UBXN8: variants seen among roughly 807,000 people sequenced by gnomAD.
UBXN8 encodes the protein UBX domain protein 8, also known as UBX domain-containing protein 8.
UBXN8 carries 27 observed loss-of-function variants against 32.1 expected under a neutral mutation model. That is an observed-to-expected ratio of 0.84 (90% CI 0.62 to 1.16). The LOEUF is 1.16. Among genes scored for constraint, UBXN8 ranks in the 50% most tolerant of loss-of-function variants. The pLI, the probability that UBXN8 is intolerant of heterozygous loss-of-function variation, is 0.00. For missense variants in UBXN8, 306 were observed against 311.4 expected, an observed-to-expected ratio of 0.98 and a Z score of 0.13; for synonymous variants, 109 against 111.8, an observed-to-expected ratio of 0.98 and a Z score of 0.16.
intron 2 of UBXN8, among the ~76,000 whole-genome samples, chr8:30,752,080 C>G (rs1316932747): frequency 6.6e-6 from 1 of 151,892 alleles, no homozygotes; most frequent in Non-Finnish European, 1.5e-5. Flanking sequence ...TTTGTAGAGA[C>G]AGGGTTTCAC....
At chr8:30,753,843 C>T (rs923584855) in intron 3 of UBXN8, among the ~76,000 whole-genome samples, 2 of 143,576 alleles carry the variant, frequency 1.4e-5, no homozygotes, top group African/African-American at 5.2e-5. Flanking sequence ...TACAACCATA[C>T]CTCACTGTCG....
At chr8:30,754,638 C>A (rs750033372) in intron 3 of UBXN8, 27 bp from the exon 4 acceptor site, 6 of 1,531,316 alleles carry the variant, frequency 3.9e-6, no homozygotes, top group Non-Finnish European at 5.2e-6. Flanking sequence ...TGGATAGTAA[C>A]AACACCTAAT....
At chr8:30,743,355 C>G (rs988672129), upstream of UBXN8, among the ~76,000 whole-genome samples, 2 of 150,998 alleles carry the variant, frequency 1.3e-5, no homozygotes, top group Non-Finnish European at 2.9e-5. Context: ...GGGGTTTCAC[C>G]ATATTTGCCA....
chr8:30,739,416 C>T (rs187978458), upstream of UBXN8, among the ~76,000 whole-genome samples: 3 of 151,954 alleles, frequency 2.0e-5, no homozygotes, highest in Non-Finnish European at 2.9e-5. Flanking sequence ...TGGTGGCGGG[C>T]GCCTGTAGTC....
At chr8:30,731,408 C>A (rs531135697), upstream of UBXN8, among the ~76,000 whole-genome samples, 3 of 152,158 alleles carry the variant, frequency 2.0e-5, no homozygotes, top group Non-Finnish European at 4.4e-5. Context: ...CTGCTTGCCC[C>A]GGACTTGTAC....
chr8:30,765,144 T>C (rs2956015), intron 7 of UBXN8, among the ~76,000 whole-genome samples: 149,234 of 152,262 alleles, frequency 0.98, 73,207 homozygotes, highest in Middle Eastern at 1. Flanking sequence ...AACTCCTGGG[T>C]TCAAATGATT....
chr8:30,766,596 T>C lies in UBXN8; in HGVS notation c.*202T>C. On this transcript the variant is annotated 3_prime_UTR_variant, in exon 8 of 8. Coordinates refer to ENST00000265616, the MANE Select transcript of UBXN8 (RefSeq NM_005671.4). The stretch of plus-strand genomic sequence containing the variant: ...CTGTGGACTGTGCCATTTTACAGTG[T>C]ACCAAATGAGAATGAGGTTGAAATG... The C allele has an allele frequency of 2.7e-6, 1 of 376,836 alleles. No individual in the cohort carries two copies. The highest frequency in any genetic ancestry group is 7.4e-5 in the South Asian group (1 of 13,578). 23.3% of individuals were successfully genotyped at this position (376,836 alleles called of 1,614,324 possible). A position where few individuals can be genotyped will look rare whatever the true frequency, so the allele number is the denominator to read the frequency against.
At position 30,753,310 on chromosome 8, in the gene UBXN8, G is replaced by A. The variant is rs564196808; in HGVS notation, c.282+205G>A. On this transcript the variant is annotated intron_variant, in intron 3 of 7. Coordinates refer to ENST00000265616, the MANE Select transcript of UBXN8 (RefSeq NM_005671.4). Reference sequence around the variant, plus strand: ...CTCGCTGTGTCACCTAGGCTGGAATGCAGTGGCGAAATCTCGGCTCACTGC... The same window carrying A: ...CTCGCTGTGTCACCTAGGCTGGAATACAGTGGCGAAATCTCGGCTCACTGC... Among the ~76,000 whole-genome samples the A allele has an allele frequency of 1.0e-3, 152 of 152,282 alleles. 1 individual carries two copies. The highest frequency in any genetic ancestry group is 3.3e-3 in the African/African-American group (138 of 41,572).
At chr8:30,744,666 G>A (rs1375433920) in intron 1 of UBXN8, among the ~76,000 whole-genome samples, 1 of 152,212 alleles carries the variant, frequency 6.6e-6, no homozygotes, top group Non-Finnish European at 1.5e-5. Context: ...CGAACTCCTG[G>A]GTTCAAGAGA....
rs555034860 is a variant in UBXN8, at chr8:30,753,831, G to T, written c.282+726G>T. On this transcript the variant is annotated intron_variant, in intron 3 of 7. Transcript: ENST00000265616. Reference sequence around the variant, plus strand: ...TCTGTTGCCCAGGCTGGGGTGGAGTGGTACAACCATACCTCACTGTCGCCT... The same window carrying T: ...TCTGTTGCCCAGGCTGGGGTGGAGTTGTACAACCATACCTCACTGTCGCCT... Among the ~76,000 whole-genome samples, 368 of 145,468 alleles carry T rather than the reference G, an allele frequency of 2.5e-3. 3 individuals carry two copies. Among genetic ancestry groups the T allele is most frequent in the Non-Finnish European group, 4.5e-3 (303 of 67,094 alleles).
rs1195055570 is a variant in UBXN8, at chr8:30,766,227, G to T, written c.646G>T (p.Val216Phe). The change falls in exon 8 of 8, where the codon GTC (valine) becomes TTC (phenylalanine). Residue 216 changes from valine (V) to phenylalanine (F), a missense_variant and splice_region_variant. Coordinates refer to ENST00000265616, the MANE Select transcript of UBXN8 (RefSeq NM_005671.4). ...CTAAGCCAAGCTTTTCATCTTCTAG[G>T]TCTTATTTGACTGGATGACGAGAAT... ...RRFLKSYSSQ[V>F]LFDWMTRIGY... 6.2e-7 allele frequency: 1 copy of T among 1,610,378 alleles called. No individual in the cohort carries two copies. The highest frequency in any genetic ancestry group is 8.5e-7 in the Non-Finnish European group (1 of 1,177,612).
intron 1 of UBXN8, among the ~76,000 whole-genome samples, chr8:30,735,922 A>G (rs1397792785): frequency 6.6e-6 from 1 of 152,232 alleles, no homozygotes; most frequent in Non-Finnish European, 1.5e-5. Context: ...AGGTCAAGAG[A>G]TACTGTGTCA....
chr8:30,732,341 A>G (rs1025088344), upstream of UBXN8: 1 of 398,306 alleles, frequency 2.5e-6, no homozygotes, highest in Non-Finnish European at 4.4e-6. Context: ...AAGGTGTCCA[A>G]GAAAAAAAGC....
chr8:30,760,441 A>ATTT (rs1263036658), intron 5 of UBXN8, among the ~76,000 whole-genome samples: 58 of 49,112 alleles, frequency 1.2e-3, no homozygotes, highest in Middle Eastern at 0.013. Context: ...ATATATATAT[A>ATTT]TATTTTTTTT....
At chr8:30,740,819 TACTC>T (rs1458345619), upstream of UBXN8, among the ~76,000 whole-genome samples, 3 of 152,144 alleles carry the variant, frequency 2.0e-5, no homozygotes, top group Non-Finnish European at 4.4e-5. Flanking sequence ...CAGGAATTCT[TACTC>T]ACGAAGATAG....
At chr8:30,744,834 G>C (rs1216691363) in intron 1 of UBXN8, among the ~76,000 whole-genome samples, 2 of 152,218 alleles carry the variant, frequency 1.3e-5, no homozygotes, top group African/African-American at 2.4e-5. Context: ...ATTGTGACAC[G>C]TTGGAGGAAA....
intron 7 of UBXN8, among the ~76,000 whole-genome samples, chr8:30,765,366 CCG>C (rs1805970893): frequency 6.6e-6 from 1 of 151,942 alleles, no homozygotes; most frequent in Admixed American, 6.6e-5. Context: ...CTCAACCTCC[CCG>C]GACTCAGGTG....
At chr8:30,737,509 T>C (rs973714923) in intron 1 of UBXN8, among the ~76,000 whole-genome samples, 1 of 152,218 alleles carries the variant, frequency 6.6e-6, no homozygotes, top group Non-Finnish European at 1.5e-5. Context: ...TTTGTGGCTA[T>C]ATCTCCAGCA....
intron 1 of UBXN8, among the ~76,000 whole-genome samples, chr8:30,736,446 T>C (rs1039976787): frequency 2.6e-5 from 4 of 152,166 alleles, no homozygotes; most frequent in African/African-American, 7.2e-5. Context: ...ATATGTGGTA[T>C]TGTTTCTGTA....
Sources: gnomAD v4.1 joint callset for allele counts (sites outside exome capture counted in the v4.1 genomes callset) on GRCh38, gnomAD v4.1.1 for gene constraint, MANE v1.5 for transcripts, NCBI Gene and HGNC (gene_info 2026-07-23, HGNC 2026-07-21) for gene names.